Variants in SPIDR observed in about 807,000 individuals in gnomAD.
SPIDR encodes scaffold protein involved in DNA repair.
In SPIDR, 93 loss-of-function variants were observed where a neutral mutation model predicts 104.6. The ratio of observed to expected loss-of-function variants is 0.89; its 90% CI spans 0.75 to 1.06. SPIDR has a LOEUF of 1.06. SPIDR is among the 50% of genes least tolerant of loss of function. The pLI, the probability that SPIDR is intolerant of heterozygous loss-of-function variation, is 0.00. For missense variants in SPIDR, 1,154 were observed against 1,111.2 expected, an observed-to-expected ratio of 1.04 and a Z score of -0.55; for synonymous variants, 431 against 416.9, an observed-to-expected ratio of 1.03 and a Z score of -0.41.
At chr8:47,337,054 A>G (rs562524817) in intron 5 of SPIDR, among the ~76,000 whole-genome samples, 4 of 152,158 alleles carry the variant, frequency 2.6e-5, no homozygotes, top group African/African-American at 4.8e-5. Flanking sequence ...GGCCATTTGT[A>G]TATGTTCTTT....
At chr8:47,434,645 G>T (rs1346059077) in intron 7 of SPIDR, among the ~76,000 whole-genome samples, 2 of 152,138 alleles carry the variant, frequency 1.3e-5, no homozygotes, top group African/African-American at 4.8e-5. Flanking sequence ...AATAATTTCA[G>T]TATCTCTCCC....
At chr8:47,601,522 C>T (rs1365919913) in intron 10 of SPIDR, among the ~76,000 whole-genome samples, 2 of 152,062 alleles carry the variant, frequency 1.3e-5, no homozygotes, top group African/African-American at 2.4e-5. Context: ...GGTGAAACCC[C>T]GTCTCTACTA....
intron 1 of SPIDR, among the ~76,000 whole-genome samples, chr8:47,273,709 G>A (rs1271023282): frequency 6.6e-6 from 1 of 150,994 alleles, no homozygotes; most frequent in Non-Finnish European, 1.5e-5. Context: ...TCCTCCTACC[G>A]CAGCCTCCTG....
intron 17 of SPIDR, among the ~76,000 whole-genome samples, chr8:47,728,291 C>G (rs1469386332): frequency 6.7e-6 from 1 of 149,030 alleles, no homozygotes; most frequent in East Asian, 2.0e-4. Flanking sequence ...AAAAATTAGC[C>G]GGGCATGGTG....
intron 10 of SPIDR, among the ~76,000 whole-genome samples, chr8:47,658,037 A>C (rs1563447332): frequency 6.9e-6 from 1 of 145,390 alleles, no homozygotes; most frequent in Non-Finnish European, 1.5e-5. Flanking sequence ...CTCAAAAAAA[A>C]AAAAAAAAAA....
At chr8:47,726,113 G>C (rs1431461858) in intron 16 of SPIDR, among the ~76,000 whole-genome samples, 1 of 152,234 alleles carries the variant, frequency 6.6e-6, no homozygotes, top group Admixed American at 6.5e-5. Context: ...CTGCTTTCCA[G>C]CTGCATTACG....
chr8:47,329,979 T>G (rs1255450996), intron 5 of SPIDR, among the ~76,000 whole-genome samples: 1 of 152,204 alleles, frequency 6.6e-6, no homozygotes, highest in Non-Finnish European at 1.5e-5. Flanking sequence ...AGAAAACAAA[T>G]ACGCACATAT....
chr8:47,687,595 C>T (rs2077985038), intron 11 of SPIDR, among the ~76,000 whole-genome samples: 1 of 152,132 alleles, frequency 6.6e-6, no homozygotes, highest in African/African-American at 2.4e-5. Flanking sequence ...TAGATTGTAA[C>T]AAATAATAAG....
chr8:47,700,512 C>T, intron 12 of SPIDR, 22 bp downstream of exon 12: 2 of 1,613,736 alleles, frequency 1.2e-6, no homozygotes, highest in African/African-American at 1.3e-5. Context: ...ACTGGAAAAA[C>T]TTCCCCAGTC....
chr8:47,363,316 C>A (rs1436677408), intron 5 of SPIDR, among the ~76,000 whole-genome samples: 7 of 148,100 alleles, frequency 4.7e-5, no homozygotes, highest in African/African-American at 1.7e-4. Context: ...CACCATTCTC[C>A]TGCCTCAGCC....
At chr8:47,525,766 C>A (rs1301034745) in intron 8 of SPIDR, among the ~76,000 whole-genome samples, 2 of 149,466 alleles carry the variant, frequency 1.3e-5, no homozygotes, top group Non-Finnish European at 1.5e-5. Context: ...AGAGTGAGAC[C>A]CTGCCTCAAA....
chr8:47,715,179 T>C (rs1020242372), intron 16 of SPIDR, among the ~76,000 whole-genome samples: 2 of 151,686 alleles, frequency 1.3e-5, no homozygotes, highest in Admixed American at 1.3e-4. Context: ...TTTGTTTTTG[T>C]TTTTGTTTTT....
At chr8:47,710,862 A>G (rs2081778147) in intron 14 of SPIDR, among the ~76,000 whole-genome samples, 1 of 151,206 alleles carries the variant, frequency 6.6e-6, no homozygotes, top group Admixed American at 6.6e-5. Context: ...TCACTGCAAC[A>G]TTGACCTCTT....
intron 3 of SPIDR, among the ~76,000 whole-genome samples, chr8:47,284,343 A>G (rs1474504704): frequency 3.9e-5 from 6 of 152,014 alleles, no homozygotes; most frequent in Non-Finnish European, 8.8e-5. Context: ...TCCTAAGTTC[A>G]TTTTTATCAC....
intron 7 of SPIDR, among the ~76,000 whole-genome samples, chr8:47,432,587 A>G (rs1216599325): frequency 6.6e-6 from 1 of 152,230 alleles, no homozygotes; most frequent in Non-Finnish European, 1.5e-5. Flanking sequence ...GGTATAAACA[A>G]GAAGTACAGT....
chr8:47,412,966 C>T (rs1346963105), intron 7 of SPIDR, among the ~76,000 whole-genome samples: 3 of 152,194 alleles, frequency 2.0e-5, no homozygotes, highest in Non-Finnish European at 2.9e-5. Flanking sequence ...CAAATGGCTC[C>T]TCCTTCTTTT....
chr8:47,443,453 C>T (rs370120539), intron 8 of SPIDR, among the ~76,000 whole-genome samples: 6 of 151,562 alleles, frequency 4.0e-5, no homozygotes, highest in Non-Finnish European at 7.4e-5. Flanking sequence ...TGCCTGTGGT[C>T]CCAGCTACTC....
At chr8:47,405,742 T>C (rs1441715737) in intron 6 of SPIDR, among the ~76,000 whole-genome samples, 1 of 152,184 alleles carries the variant, frequency 6.6e-6, no homozygotes, top group Non-Finnish European at 1.5e-5. Flanking sequence ...AAGAGTTAAT[T>C]TGGATATAGA....
chr8:47,432,637 G>C (rs2067564371), intron 7 of SPIDR, among the ~76,000 whole-genome samples: 1 of 152,216 alleles, frequency 6.6e-6, no homozygotes, highest in African/African-American at 2.4e-5. Context: ...GAGTGGAAAG[G>C]AGAGTCATGC....
Sources: gnomAD v4.1 joint callset for allele counts (sites outside exome capture counted in the v4.1 genomes callset) on GRCh38, gnomAD v4.1.1 for gene constraint, MANE v1.5 for transcripts, NCBI Gene and HGNC (gene_info 2026-07-23, HGNC 2026-07-21) for gene names.